The following CELF2 variants were observed in gnomAD, a reference collection of about 807,000 sequenced individuals.
The protein encoded by CELF2 is CUG triplet repeat RNA-binding protein 2.
CELF2 carries 8 observed loss-of-function variants against 62.6 expected under a neutral mutation model. The ratio of observed to expected loss-of-function variants is 0.13; its 90% CI spans 0.07 to 0.23. The LOEUF is 0.23. CELF2 is among the 10% of genes least tolerant of loss of function. The probability of loss-of-function intolerance (pLI) is 1.00; values close to 1 mark genes in which losing one functional copy is unlikely to be tolerated. For missense variants in CELF2, 333 were observed against 671.0 expected, an observed-to-expected ratio of 0.50 and a Z score of 5.56; for synonymous variants, 258 against 250.0, an observed-to-expected ratio of 1.03 and a Z score of -0.30.
chr10:10,943,019 C>T (rs1277346412), intron 2 of CELF2, among the ~76,000 whole-genome samples: 1 of 152,180 alleles, frequency 6.6e-6, no homozygotes, highest in Non-Finnish European at 1.5e-5. Context: ...CCGGGATGCC[C>T]ATGGAATTGA....
the CELF2 span, among the ~76,000 whole-genome samples, chr10:10,556,293 T>C: frequency 2.0e-5 from 3 of 152,098 alleles, 1 homozygote. Flanking sequence ...TTTGGTTTTT[T>C]GTTCTTGTGA....
intron 2 of CELF2, among the ~76,000 whole-genome samples, chr10:11,202,522 G>T (rs2059441069): frequency 6.6e-6 from 1 of 152,096 alleles, no homozygotes; most frequent in Non-Finnish European, 1.5e-5. Context: ...CAGTCAAATG[G>T]GTCAAGTCCT....
At chr10:10,969,935 G>A (rs1467010736) in intron 2 of CELF2, among the ~76,000 whole-genome samples, 1 of 152,128 alleles carries the variant, frequency 6.6e-6, no homozygotes, top group Non-Finnish European at 1.5e-5. Context: ...TTTGGGATGG[G>A]GAGGAACTTT....
At position 11,157,775 on chromosome 10, in the gene CELF2, C is replaced by T. The variant is rs1176336725; in HGVS notation, c.75-7711C>T. On this transcript the variant is annotated intron_variant, in intron 1 of 12. Coordinates refer to ENST00000633077, the MANE Select transcript of CELF2 (RefSeq NM_001326342.2). The surrounding 1 kb of genome is among the most constrained non-coding windows in gnomAD (Gnocchi z 4.9). ...AAAGGGGAAGAACTGGCTTTCACCA[C>T]CCAGGCTTCTGAAGTGTGTAGAGAG... is the stretch of plus-strand genomic sequence containing the variant. Among the ~76,000 whole-genome samples the T allele has an allele frequency of 6.6e-6, 1 of 152,216 alleles. No homozygotes were observed. Among genetic ancestry groups the T allele is most frequent in the African/African-American group, 2.4e-5 (1 of 41,436 alleles).
intron 9 of CELF2, among the ~76,000 whole-genome samples, chr10:11,295,838 C>G (rs1375372835): frequency 6.6e-6 from 1 of 152,164 alleles, no homozygotes; most frequent in East Asian, 1.9e-4. Flanking sequence ...AGCATGCAAA[C>G]CCCTCCCACC....
chr10:10,847,169 ATAAG>A (rs558693205), intron 1 of CELF2, among the ~76,000 whole-genome samples: 60 of 151,854 alleles, frequency 4.0e-4, no homozygotes, highest in African/African-American at 1.3e-3. Context: ...TATATATAAA[ATAAG>A]TAATGTATAA....
At chr10:10,930,789 C>T (rs1592070578) in intron 2 of CELF2, among the ~76,000 whole-genome samples, 1 of 152,178 alleles carries the variant, frequency 6.6e-6, no homozygotes, top group Admixed American at 6.5e-5. Context: ...AGGGGCATTT[C>T]CAAGATATAA....
chr10:11,189,575 G>A (rs756516877), intron 2 of CELF2, among the ~76,000 whole-genome samples: 14 of 151,924 alleles, frequency 9.2e-5, no homozygotes, highest in Admixed American at 3.3e-4. Context: ...TACTCTTTAC[G>A]GTGAATTCTA....
chr10:11,206,464 G>A (rs1471504208), intron 2 of CELF2, among the ~76,000 whole-genome samples: 4 of 152,154 alleles, frequency 2.6e-5, no homozygotes, highest in Admixed American at 2.0e-4. Flanking sequence ...CTTCTTAATT[G>A]GATTCAAGAC....
chr10:10,532,449 A>G, the CELF2 span, among the ~76,000 whole-genome samples: 1 of 152,234 alleles, frequency 6.6e-6, no homozygotes, highest in Non-Finnish European at 1.5e-5. Flanking sequence ...AGCTGTTACC[A>G]AAGCAGCACT....
At chr10:10,593,983 T>C in the CELF2 span, among the ~76,000 whole-genome samples, 1 of 152,194 alleles carries the variant, frequency 6.6e-6, no homozygotes, top group Non-Finnish European at 1.5e-5. Context: ...TGAGCACCCA[T>C]GATGCATTAG....
chr10:11,001,911 T>C (rs2054554654), upstream of CELF2, among the ~76,000 whole-genome samples: 2 of 152,312 alleles, frequency 1.3e-5, no homozygotes, highest in Non-Finnish European at 2.9e-5. Flanking sequence ...TTAGTCTGTC[T>C]AGGCTCAACT....
the CELF2 span, among the ~76,000 whole-genome samples, chr10:10,630,697 A>G: frequency 6.6e-6 from 1 of 152,250 alleles, no homozygotes; most frequent in African/African-American, 2.4e-5. Context: ...TGGAAGAGAA[A>G]TTAATGGCAG....
chr10:10,855,141 T>C (rs549744135), intron 1 of CELF2, among the ~76,000 whole-genome samples: 8 of 152,308 alleles, frequency 5.3e-5, no homozygotes, highest in African/African-American at 1.7e-4. Flanking sequence ...AGAATCTGCA[T>C]GGGACACACA....
rs2064505544 is a variant in CELF2 at position 11,220,437 on chromosome 10, G to T, written c.354+2930G>T. Among the ~76,000 whole-genome samples the T allele has an allele frequency of 1.3e-5, 2 of 152,174 alleles. No homozygotes were observed. Among genetic ancestry groups the T allele is most frequent in the African/African-American group, 2.4e-5 (1 of 41,454 alleles). On this transcript the variant is annotated intron_variant, in intron 3 of 12. Transcript: ENST00000633077. The surrounding 1 kb of genome is among the most constrained non-coding windows in gnomAD (Gnocchi z 4.4). ...GTCTGTTGTGCAATCAAATGTGTCT[G>T]CCATAAGATTTTGATTTAAAGGCAC...
At chr10:11,286,466 C>G (rs1258472672) in intron 8 of CELF2, among the ~76,000 whole-genome samples, 1 of 152,222 alleles carries the variant, frequency 6.6e-6, no homozygotes, top group African/African-American at 2.4e-5. Flanking sequence ...CGTGAATGTA[C>G]CTCATTCCTT....
chr10:11,149,696 C>T (rs1039413955), intron 1 of CELF2, among the ~76,000 whole-genome samples: 2 of 152,132 alleles, frequency 1.3e-5, no homozygotes, highest in African/African-American at 2.4e-5. Flanking sequence ...TGAGGTAGAA[C>T]GTTTCCAAGC....
chr10:10,837,165 G>C (rs535242001), intron 1 of CELF2, among the ~76,000 whole-genome samples: 1 of 152,158 alleles, frequency 6.6e-6, no homozygotes, highest in African/African-American at 2.4e-5. Context: ...ATTCCCACAC[G>C]TTGTGGGAGG....
rs1049033013 is a variant in CELF2 at position 11,214,641 on chromosome 10, T to C, written c.272-2784T>C. Among the ~76,000 whole-genome samples, 2 of 152,142 alleles carry C rather than the reference T, an allele frequency of 1.3e-5. No individual in the cohort carries two copies. The highest frequency in any genetic ancestry group is 4.8e-5 in the African/African-American group (2 of 41,426). Reference sequence around the variant, plus strand: ...CTGTGGAGCTGTGCTGGGGCTCAGCTCTTGGGTCGGACAGATGAACGGTAA... The same window carrying C: ...CTGTGGAGCTGTGCTGGGGCTCAGCCCTTGGGTCGGACAGATGAACGGTAA... On this transcript the variant is annotated intron_variant, in intron 2 of 12. Transcript: ENST00000633077. The surrounding 1 kb of genome is among the most constrained non-coding windows in gnomAD (Gnocchi z 4.2).
Sources: allele counts gnomAD v4.1 joint callset (sites outside exome capture counted in the v4.1 genomes callset), GRCh38; gene constraint gnomAD v4.1.1; non-coding constraint Gnocchi (gnomAD v3.1); transcripts MANE v1.5; gene names NCBI Gene and HGNC (gene_info 2026-07-23, HGNC 2026-07-21).